The following GRIN2B variants were observed in gnomAD, a reference collection of about 807,000 sequenced individuals.
GRIN2B encodes the protein glutamate ionotropic receptor NMDA type subunit 2B, also known as glutamate receptor ionotropic, NMDA 2B.
GRIN2B carries 5 observed loss-of-function variants against 114.5 expected under a neutral mutation model. The ratio of observed to expected loss-of-function variants is 0.04; its 90% confidence interval spans 0.02 to 0.09. The LOEUF (loss-of-function observed/expected upper bound fraction) is 0.09, where lower values mean the gene tolerates loss of function less well. Among genes scored for constraint, GRIN2B ranks in the 10% least tolerant of loss-of-function variants. The pLI is 1.00. For missense variants in GRIN2B, 1,108 were observed against 1,943.5 expected, an observed-to-expected ratio of 0.57 and a Z score of 8.08; for synonymous variants, 787 against 745.1, an observed-to-expected ratio of 1.06 and a Z score of -0.92.
At chr12:13,978,079 T>C (rs1219463322) in intron 2 of GRIN2B, among the ~76,000 whole-genome samples, 1 of 152,166 alleles carries the variant, frequency 6.6e-6, no homozygotes, top group African/African-American at 2.4e-5. Context: ...CCAAAGGACC[T>C]ACTGGGTGTA....
rs1483688845 is a variant in GRIN2B, at chr12:13,815,165, T to G, written c.411+50633A>C. ...ATGCTATACACATAGGAACCATCAG[T>G]GGCCGAATAAATGAAAGAATAGATG... On this transcript the variant is annotated intron_variant, in intron 3 of 13. Coordinates refer to ENST00000609686, the MANE Select transcript of GRIN2B (RefSeq NM_000834.5). Among the ~76,000 whole-genome samples the G allele has an allele frequency of 1.3e-5, 2 of 152,162 alleles. 1 individual carries two copies. Among genetic ancestry groups the G allele is most frequent in the South Asian group, 4.1e-4 (2 of 4,838 alleles).
intron 5 of GRIN2B, among the ~76,000 whole-genome samples, chr12:13,652,201 G>T (rs1949820756): frequency 6.6e-6 from 1 of 151,688 alleles, no homozygotes; most frequent in Non-Finnish European, 1.5e-5. Context: ...CATTACTCTT[G>T]AAGGTTCACT....
intron 10 of GRIN2B, among the ~76,000 whole-genome samples, chr12:13,574,700 A>G (rs1255969059): frequency 6.6e-6 from 1 of 152,194 alleles, no homozygotes; most frequent in African/African-American, 2.4e-5. Flanking sequence ...AATTATTTTT[A>G]GATTTCTAAA....
Position 13,861,768 on chromosome 12 carries a change from T to C in GRIN2B, c.411+4030A>G, listed in dbSNP as rs938366157. ...CTTTCAACCATATGCCCTTCTTGGGTGGTCTCCAATTTAGAGTTTTTTCTA... is the reference window on the plus strand; with the variant it reads ...CTTTCAACCATATGCCCTTCTTGGGCGGTCTCCAATTTAGAGTTTTTTCTA... On this transcript the variant is annotated intron_variant, in intron 3 of 13. Coordinates refer to ENST00000609686, the MANE Select transcript of GRIN2B (RefSeq NM_000834.5). 1.2e-4 allele frequency among the ~76,000 whole-genome samples: 18 copies of C among 152,266 alleles called. No individual in the cohort carries two copies. In the Middle Eastern group the frequency reaches 0.014, roughly 115 times the overall value.
At chr12:13,977,949 T>C (rs1863056826) in intron 2 of GRIN2B, among the ~76,000 whole-genome samples, 1 of 152,106 alleles carries the variant, frequency 6.6e-6, no homozygotes, top group African/African-American at 2.4e-5. Flanking sequence ...CGCCTAGTCT[T>C]AGGGACAACT....
intron 10 of GRIN2B, among the ~76,000 whole-genome samples, chr12:13,588,785 C>A (rs1360570148): frequency 6.6e-6 from 1 of 152,142 alleles, no homozygotes; most frequent in Non-Finnish European, 1.5e-5. Flanking sequence ...CGTTATACAC[C>A]AGTAGGAGGG....
At chr12:13,699,083 T>C (rs1180021680) in intron 4 of GRIN2B, among the ~76,000 whole-genome samples, 3 of 152,204 alleles carry the variant, frequency 2.0e-5, no homozygotes, top group Non-Finnish European at 4.4e-5. Flanking sequence ...CATGCTATGA[T>C]GACAACTATA....
At chr12:13,940,808 G>A (rs1246347670) in intron 2 of GRIN2B, among the ~76,000 whole-genome samples, 1 of 152,050 alleles carries the variant, frequency 6.6e-6, no homozygotes, top group Non-Finnish European at 1.5e-5. Context: ...ACGGATGAGT[G>A]TTCCATCTCT....
At chr12:13,949,596 C>T (rs1036220013) in intron 2 of GRIN2B, among the ~76,000 whole-genome samples, 3 of 152,182 alleles carry the variant, frequency 2.0e-5, no homozygotes, top group African/African-American at 7.2e-5. Context: ...ATAACATCTA[C>T]ACTGCCATTA....
chr12:13,841,256 G>A (rs757270721), intron 3 of GRIN2B, among the ~76,000 whole-genome samples: 8 of 152,172 alleles, frequency 5.3e-5, no homozygotes, highest in African/African-American at 1.4e-4. Context: ...TAGCCATGCC[G>A]GAGCCTAAAC....
At chr12:13,962,723 C>T (rs538702611) in intron 2 of GRIN2B, among the ~76,000 whole-genome samples, 4 of 152,178 alleles carry the variant, frequency 2.6e-5, no homozygotes, top group Non-Finnish European at 4.4e-5. Flanking sequence ...GGCAGGCGGG[C>T]GGGCGGGCTG....
intron 2 of GRIN2B, among the ~76,000 whole-genome samples, chr12:13,960,849 C>G (rs1319204921): frequency 6.6e-6 from 1 of 152,146 alleles, no homozygotes; most frequent in African/African-American, 2.4e-5. Context: ...AAGCATCCAG[C>G]AAACAAAAGA....
intron 2 of GRIN2B, among the ~76,000 whole-genome samples, chr12:13,950,631 A>G (rs1867463207): frequency 6.6e-6 from 1 of 152,182 alleles, no homozygotes; most frequent in South Asian, 2.1e-4. Context: ...TTGCCAGATC[A>G]CAATGAACAA....
chr12:13,591,820 T>C (rs947493037), intron 10 of GRIN2B, among the ~76,000 whole-genome samples: 10 of 152,204 alleles, frequency 6.6e-5, no homozygotes, highest in South Asian at 2.1e-4. Context: ...GACTCCAACC[T>C]ATGAACACAT....
intron 5 of GRIN2B, among the ~76,000 whole-genome samples, chr12:13,655,622 A>C (rs989337698): frequency 2.6e-5 from 4 of 152,142 alleles, no homozygotes; most frequent in African/African-American, 9.7e-5. Context: ...TCCATTGACT[A>C]GCTGTGTCCT....
chr12:13,589,222 G>A (rs1341532531), intron 10 of GRIN2B, among the ~76,000 whole-genome samples: 1 of 152,210 alleles, frequency 6.6e-6, no homozygotes, highest in African/African-American at 2.4e-5. Context: ...TATTTTAAAT[G>A]CAGAGGATAT....
chr12:13,933,134 C>T (rs1867068857), intron 2 of GRIN2B, among the ~76,000 whole-genome samples: 1 of 152,156 alleles, frequency 6.6e-6, no homozygotes, highest in Non-Finnish European at 1.5e-5. Flanking sequence ...TCACAGCTTC[C>T]AGCTGTTGCT....
intron 5 of GRIN2B, 36 bp downstream of exon 5, chr12:13,675,709 C>A (rs960098016): frequency 7.9e-7 from 1 of 1,266,160 alleles, no homozygotes; most frequent in Non-Finnish European, 1.2e-6. Flanking sequence ...CATTTCTACT[C>A]TACTTTGCTC....
intron 2 of GRIN2B, among the ~76,000 whole-genome samples, chr12:13,939,437 C>T (rs1216678064): frequency 6.6e-6 from 1 of 151,854 alleles, no homozygotes; most frequent in Admixed American, 6.6e-5. Context: ...CCTCCCTCTC[C>T]CTTGCTCCTT....
Sources: allele counts gnomAD v4.1 joint callset (sites outside exome capture counted in the v4.1 genomes callset), GRCh38; gene constraint gnomAD v4.1.1; transcripts MANE v1.5; gene names NCBI Gene and HGNC (gene_info 2026-07-23, HGNC 2026-07-21).